Variants in TRAPPC11 observed in about 807,000 individuals in gnomAD.
The protein encoded by TRAPPC11 is trafficking protein particle complex subunit 11.
A neutral mutation model predicts 151.2 loss-of-function variants in TRAPPC11; 104 were observed. The observed-to-expected ratio is 0.69, with a 90% confidence interval of 0.59 to 0.81. The LOEUF (loss-of-function observed/expected upper bound fraction) is 0.81. TRAPPC11 is among the 30% of genes least tolerant of loss of function. The pLI, the probability that TRAPPC11 is intolerant of heterozygous loss-of-function variation, is 0.00. For missense variants in TRAPPC11, 1,230 were observed against 1,349.6 expected (o/e 0.91, Z 1.39); for synonymous variants, 456 against 472.3 (o/e 0.97, Z 0.45).
At chr4:183,662,585 A>T (rs2111283121) in intron 1 of TRAPPC11, among the ~76,000 whole-genome samples, 1 of 152,246 alleles carries the variant, frequency 6.6e-6, no homozygotes, top group Middle Eastern at 3.4e-3. Context: ...TTTTCTTTAA[A>T]GAGTAAATTT....
At position 183,679,357 on chromosome 4, in the gene TRAPPC11, G is replaced by C; in HGVS notation, c.836G>C (p.Cys279Ser). ...GATCAATTTTACATTTTGCAGATCT[G>C]TAGGCTGTGTTTTCAACACAACACC... is the stretch of plus-strand genomic sequence containing the variant. ...TMAGFINYKI[C>S]RLCFQHNTPL... Residue 279 changes from cysteine (C) to serine (S), a missense_variant, in exon 9 of 30, where the codon TGT becomes TCT. Transcript: ENST00000334690. The C allele has an allele frequency of 3.1e-6, 5 of 1,605,012 alleles. No homozygotes were observed. Among genetic ancestry groups the C allele is most frequent in the Non-Finnish European group, 4.2e-6 (5 of 1,176,490 alleles).
chr4:183,666,101 ACTAGTTCTTACTGAAT>A, intron 2 of TRAPPC11, 140 bp from the exon 3 acceptor site: 2 of 594,970 alleles, frequency 3.4e-6, no homozygotes, highest in Non-Finnish European at 5.8e-6. Flanking sequence ...TTCAACACTT[ACTAGTTCTTACTGAAT>A]CTGTAAGCCT....
chr4:183,679,991 T>G (rs1279093308), intron 9 of TRAPPC11, 129 bp from the exon 10 acceptor site: 2 of 707,962 alleles, frequency 2.8e-6, no homozygotes, highest in East Asian at 5.4e-5. Context: ...TTAGAACAAA[T>G]ATTAACTGTT....
chr4:183,669,763 G>A (rs529705730), intron 5 of TRAPPC11, among the ~76,000 whole-genome samples: 18 of 152,296 alleles, frequency 1.2e-4, no homozygotes, highest in African/African-American at 3.9e-4. Context: ...TTACCTGGCC[G>A]AAATGTCAGC....
rs1487115735 is a variant in TRAPPC11, at chr4:183,708,420, T to G, written c.3203T>G (p.Ile1068Ser). ...FSGLKQIRLRILPGTEQEMLY... is the reference protein window; with the variant it reads ...FSGLKQIRLRSLPGTEQEMLY... ...TTTATGATGCAGATTCGATTACGTA[T>G]CCTCCCTGGCACGGAGCAGGAAATG... The change falls in exon 29 of 30, where the codon ATC becomes AGC. Residue 1068 changes from isoleucine (I) to serine (S), a missense_variant. Coordinates refer to ENST00000334690, the MANE Select transcript of TRAPPC11 (RefSeq NM_021942.6). 6.2e-7 allele frequency: 1 copy of G among 1,612,904 alleles called. No individual in the cohort carries two copies. The highest frequency in any genetic ancestry group is 8.5e-7 in the Non-Finnish European group (1 of 1,179,570).
chr4:183,680,220 T>C lies in TRAPPC11; in HGVS notation c.1066T>C (p.Tyr356His). The C allele has an allele frequency of 1.2e-6, 2 of 1,614,100 alleles. No homozygotes were observed. The highest frequency in any genetic ancestry group is 1.7e-6 in the Non-Finnish European group (2 of 1,179,982). The stretch of plus-strand genomic sequence containing the variant: ...TTTCTATTACCAGCAGGCAGCATAC[T>C]ATGCCCAGGAGCGGAAACAGCTTGC... The part of the protein sequence containing the change: ...PGFYYQQAAY[Y>H]AQERKQLAKT... Residue 356 changes from tyrosine to histidine, a missense_variant, in exon 10 of 30, where the codon TAT (tyrosine) becomes CAT (histidine). Tyr to His is a moderately conservative substitution (Grantham distance 83). Coordinates refer to ENST00000334690, the MANE Select transcript of TRAPPC11 (RefSeq NM_021942.6).
chr4:183,690,602 G>A (rs1369310663), intron 18 of TRAPPC11, among the ~76,000 whole-genome samples: 3 of 152,172 alleles, frequency 2.0e-5, no homozygotes, highest in Non-Finnish European at 4.4e-5. Flanking sequence ...AGCAACAATG[G>A]TATGGTGAAC....
At chr4:183,706,273 C>G (rs1414845595) in intron 27 of TRAPPC11, among the ~76,000 whole-genome samples, 3 of 152,190 alleles carry the variant, frequency 2.0e-5, no homozygotes, top group African/African-American at 2.4e-5. Context: ...CCTGTAATCC[C>G]AGCACTTTGG....
chr4:183,660,721 T>C (rs925329550), intron 1 of TRAPPC11, among the ~76,000 whole-genome samples: 17 of 152,160 alleles, frequency 1.1e-4, no homozygotes, highest in Middle Eastern at 6.3e-3. Flanking sequence ...TTGTTTTTTG[T>C]TGTTGTTGTT....
At chr4:183,700,614 G>A (rs1297565643) in intron 25 of TRAPPC11, among the ~76,000 whole-genome samples, 1 of 152,206 alleles carries the variant, frequency 6.6e-6, no homozygotes, top group Non-Finnish European at 1.5e-5. Flanking sequence ...TTGGCAGAAG[G>A]AAAGCATTCT....
At chr4:183,705,131 C>CT in intron 27 of TRAPPC11, 61 bp downstream of exon 27, 1 of 1,185,816 alleles carries the variant, frequency 8.4e-7, no homozygotes, top group Admixed American at 1.8e-5. Flanking sequence ...ATTTTAACCT[C>CT]TAAGAGTTTA....
rs749597402 is a variant in TRAPPC11, at chr4:183,679,395, A to G, written c.874A>G (p.Ile292Val). Reference protein sequence around the residue: ...CFQHNTPLDAIAQFRKHIDLC... With the variant: ...CFQHNTPLDAVAQFRKHIDLC... ...TCAACACAACACCCCATTGGATGCA[A>G]TTGCTCAGTTCCGAAAACACATCGA... Residue 292 changes from isoleucine (I) to valine (V), a missense_variant, in exon 9 of 30, where the codon ATT (isoleucine) becomes GTT (valine). Ile to Val is a conservative substitution (Grantham distance 29). Coordinates refer to ENST00000334690, the MANE Select transcript of TRAPPC11 (RefSeq NM_021942.6). 4.3e-6 allele frequency: 7 copies of G among 1,612,844 alleles called. No homozygotes were observed. The African/African-American group carries it at 9.4e-5, about 22-fold the overall frequency.
In TRAPPC11 at chr4:183,707,254, A is replaced by ATGTGTGTG. The variant is rs10576583; in HGVS notation, c.3189+335_3189+342dup. The stretch of plus-strand genomic sequence containing the variant: ...TTATTACTGATGAGTGTGTGTGTTT[A>ATGTGTGTG]TGTGTGTGTGTGTGTGTGTGTGTGT... On this transcript the variant is annotated intron_variant, in intron 28 of 29. Transcript: ENST00000334690. 0.11 allele frequency among the ~76,000 whole-genome samples: 16,184 copies of ATGTGTGTG among 148,588 alleles called. 920 individuals carry two copies. Among genetic ancestry groups the ATGTGTGTG allele is most frequent in the Non-Finnish European group, 0.13 (8,722 of 67,050 alleles).
At chr4:183,662,909 T>C (rs1734631271) in intron 1 of TRAPPC11, among the ~76,000 whole-genome samples, 3 of 152,212 alleles carry the variant, frequency 2.0e-5, no homozygotes, top group Admixed American at 2.0e-4. Flanking sequence ...TAAAGTTGAC[T>C]TCATTTTTAA....
chr4:183,677,032 T>C (rs948135735), intron 7 of TRAPPC11, among the ~76,000 whole-genome samples: 3 of 152,246 alleles, frequency 2.0e-5, no homozygotes, highest in African/African-American at 7.2e-5. Flanking sequence ...CTCAAAGTGC[T>C]GGGATTACAG....
intron 25 of TRAPPC11, among the ~76,000 whole-genome samples, chr4:183,699,408 C>T (rs868777920): frequency 3.3e-5 from 5 of 152,088 alleles, no homozygotes; most frequent in African/African-American, 7.2e-5. Flanking sequence ...ATTGCAATTT[C>T]GTATTTGTAA....
rs1386906533 is a variant in TRAPPC11 at position 183,684,313 on chromosome 4, A to T, written c.1375A>T (p.Met459Leu). 1 of 1,613,698 alleles carries T rather than the reference A, an allele frequency of 6.2e-7. No homozygotes were observed. Among genetic ancestry groups the T allele is most frequent in the Non-Finnish European group, 8.5e-7 (1 of 1,179,758 alleles). ...CTTTTTTTCCTTTATAGTGGTTCAG[A>T]TGGGAGAGGAATATTATTACGCAAA... ...PRMKSHLMVQ[M>L]GEEYYYAKDY... The change falls in exon 14 of 30, where the codon ATG becomes TTG. Residue 459 changes from methionine (M) to leucine (L), a missense_variant. Transcript: ENST00000334690.
At chr4:183,707,266 G>GTGTGTGTT (rs1261705454) in intron 28 of TRAPPC11, among the ~76,000 whole-genome samples, 2 of 151,730 alleles carry the variant, frequency 1.3e-5, no homozygotes, top group African/African-American at 4.9e-5. Context: ...GTGTGTGTGT[G>GTGTGTGTT]TGTGTGTGTG....
intron 19 of TRAPPC11, among the ~76,000 whole-genome samples, chr4:183,691,871 CTT>C (rs1736277003): frequency 6.6e-6 from 1 of 151,796 alleles, no homozygotes; most frequent in Non-Finnish European, 1.5e-5. Context: ...GACTGAATAT[CTT>C]TTGATGTTTA....
Sources: allele counts gnomAD v4.1 joint callset (sites outside exome capture counted in the v4.1 genomes callset), GRCh38; gene constraint gnomAD v4.1.1; transcripts MANE v1.5; gene names NCBI Gene and HGNC (gene_info 2026-07-23, HGNC 2026-07-21).